The following COL24A1 variants were observed in gnomAD, a reference collection of about 807,000 sequenced individuals.
COL24A1 encodes the protein collagen alpha-1(XXIV) chain.
A neutral mutation model predicts 253.9 loss-of-function variants in COL24A1; 224 were observed. The observed-to-expected ratio is 0.88, with a 90% CI of 0.79 to 0.99. COL24A1 has a LOEUF of 0.99. COL24A1 is among the 50% of genes least tolerant of loss of function. The pLI, the probability that COL24A1 is intolerant of heterozygous loss-of-function variation, is 0.00. For synonymous variants in COL24A1, 685 were observed against 673.7 expected (o/e 1.02, Z -0.26); for missense variants, 2,131 against 2,068.5 (o/e 1.03, Z -0.59).
chr1:85,906,952 CTA>C (rs1271282251), intron 28 of COL24A1, among the ~76,000 whole-genome samples: 3 of 151,644 alleles, frequency 2.0e-5, no homozygotes, highest in African/African-American at 7.3e-5. Flanking sequence ...AACAAGAATT[CTA>C]TATGAGTTAG....
intron 48 of COL24A1, 149 bp from the exon 49 acceptor site, chr1:85,784,515 C>CA (rs1669475663): frequency 1.7e-6 from 1 of 596,400 alleles, no homozygotes; most frequent in Non-Finnish European, 3.0e-6. Flanking sequence ...TCATCTTGTT[C>CA]ACCAATATTT....
At chr1:86,141,764 G>A (rs1227626977) in intron 2 of COL24A1, among the ~76,000 whole-genome samples, 4 of 150,716 alleles carry the variant, frequency 2.7e-5, no homozygotes, top group Admixed American at 1.3e-4. Context: ...GCACTGGCAC[G>A]ATCTCAGCGC....
rs1559144673 is a variant in COL24A1, at chr1:86,057,980, TG to T, written c.1807-6del. ...ACCTTCTGGTCCAGCTAAACCCTGG[TG>T]TAAACAAAAGACATTGTCATCATAC... On this transcript the variant is annotated splice_polypyrimidine_tract_variant and splice_region_variant and intron_variant, in intron 9 of 59. Coordinates refer to ENST00000370571, the MANE Select transcript of COL24A1 (RefSeq NM_152890.7). 1 of 1,612,178 alleles carries T rather than the reference TG, an allele frequency of 6.2e-7. No individual in the cohort carries two copies. The highest frequency in any genetic ancestry group is 2.2e-5 in the East Asian group (1 of 44,732).
chr1:85,809,789 A>G (rs1672344973), intron 47 of COL24A1, among the ~76,000 whole-genome samples: 1 of 147,262 alleles, frequency 6.8e-6, no homozygotes, highest in Admixed American at 6.8e-5. Flanking sequence ...AGTATATAAT[A>G]TTATATATAG....
At chr1:86,141,452 A>C (rs1461938610) in intron 2 of COL24A1, among the ~76,000 whole-genome samples, 1 of 152,198 alleles carries the variant, frequency 6.6e-6, no homozygotes, top group African/African-American at 2.4e-5. Flanking sequence ...AAATTGACAT[A>C]CAAAATTGTG....
chr1:85,997,057 A>G (rs113200395), intron 19 of COL24A1, among the ~76,000 whole-genome samples: 15,620 of 40,432 alleles, frequency 0.39, 2,488 homozygotes, highest in East Asian at 0.57. Context: ...GTGTGTGTGT[A>G]TATATATATA....
intron 24 of COL24A1, among the ~76,000 whole-genome samples, chr1:85,948,417 G>C (rs1027942248): frequency 1.8e-4 from 27 of 149,860 alleles, no homozygotes; most frequent in African/African-American, 6.1e-4. Flanking sequence ...CCAGCTACTC[G>C]GGAGGCTGAG....
intron 2 of COL24A1, among the ~76,000 whole-genome samples, chr1:86,145,637 A>G (rs1444364063): frequency 6.6e-6 from 1 of 152,108 alleles, no homozygotes; most frequent in Non-Finnish European, 1.5e-5. Flanking sequence ...GTAGGCACAA[A>G]CAAAACAGGT....
chr1:85,745,848 G>A (rs1665153921), intron 55 of COL24A1, among the ~76,000 whole-genome samples: 1 of 152,166 alleles, frequency 6.6e-6, no homozygotes, highest in Non-Finnish European at 1.5e-5. Context: ...TTAATAAATT[G>A]TAAAGTGAAG....
intron 57 of COL24A1, among the ~76,000 whole-genome samples, chr1:85,744,121 C>A (rs1664948445): frequency 6.6e-6 from 1 of 152,022 alleles, no homozygotes; most frequent in African/African-American, 2.4e-5. Context: ...TGATTTAAAA[C>A]CTTTCCTTGG....
chr1:85,780,064 C>T (rs973539724), intron 52 of COL24A1, among the ~76,000 whole-genome samples: 1 of 152,108 alleles, frequency 6.6e-6, no homozygotes, highest in Admixed American at 6.5e-5. Context: ...CAGTATGTGT[C>T]CCTTAGCTTG....
At chr1:85,812,977 C>G (rs1252436698) in intron 47 of COL24A1, among the ~76,000 whole-genome samples, 4 of 152,140 alleles carry the variant, frequency 2.6e-5, no homozygotes, top group African/African-American at 9.7e-5. Context: ...ATTGTTCTCA[C>G]AGGGGTAGAT....
intron 37 of COL24A1, among the ~76,000 whole-genome samples, chr1:85,850,167 T>C (rs1677600702): frequency 6.6e-6 from 1 of 152,170 alleles, no homozygotes; most frequent in African/African-American, 2.4e-5. Flanking sequence ...GGGCACTATA[T>C]GAATTTTCAG....
At chr1:86,016,490 GT>G (rs1425038731) in intron 19 of COL24A1, among the ~76,000 whole-genome samples, 1 of 152,196 alleles carries the variant, frequency 6.6e-6, no homozygotes, top group Non-Finnish European at 1.5e-5. Flanking sequence ...ATGTGTGTGT[GT>G]GTAGGCACAC....
At chr1:86,146,222 T>C in intron 1 of COL24A1, 39 bp from the exon 2 acceptor site, 1 of 1,534,390 alleles carries the variant, frequency 6.5e-7, no homozygotes, top group Non-Finnish European at 9.0e-7. Context: ...AACTTACTAG[T>C]TGGACATTTA....
At chr1:86,066,617 GATA>G (rs1297901976) in intron 7 of COL24A1, among the ~76,000 whole-genome samples, 1 of 152,016 alleles carries the variant, frequency 6.6e-6, no homozygotes, top group Non-Finnish European at 1.5e-5. Context: ...TTGCTTTACT[GATA>G]ATAACAATGA....
At chr1:86,146,073 G>A (rs761959558) in intron 2 of COL24A1, 46 bp downstream of exon 2, 3 of 1,476,798 alleles carry the variant, frequency 2.0e-6, no homozygotes, top group Admixed American at 3.7e-5. Context: ...CTGTCTGGAA[G>A]TAGAATTTTT....
intron 37 of COL24A1, among the ~76,000 whole-genome samples, chr1:85,853,452 T>C (rs1216791514): frequency 6.6e-6 from 1 of 152,244 alleles, no homozygotes; most frequent in Admixed American, 6.5e-5. Context: ...TGCATCTTTA[T>C]GGTAGAACAG....
chr1:86,134,626 C>A (rs545934502), intron 2 of COL24A1, among the ~76,000 whole-genome samples: 2 of 149,698 alleles, frequency 1.3e-5, no homozygotes, highest in Non-Finnish European at 3.0e-5. Context: ...CATTCAGGAG[C>A]AGGTTGTTCA....
Sources: gnomAD v4.1 joint callset for allele counts (sites outside exome capture counted in the v4.1 genomes callset) on GRCh38, gnomAD v4.1.1 for gene constraint, MANE v1.5 for transcripts, NCBI Gene and HGNC (gene_info 2026-07-23, HGNC 2026-07-21) for gene names.